Variants in ERBB4 observed in about 807,000 individuals in gnomAD.
ERBB4 encodes the protein erb-b2 receptor tyrosine kinase 4.
Under a neutral mutation model 158.0 loss-of-function variants are expected in ERBB4, and 42 were observed. The ratio of observed to expected loss-of-function variants is 0.27; its 90% CI spans 0.21 to 0.34. ERBB4 has a LOEUF of 0.34. Ranked by LOEUF, ERBB4 falls within the 10% of genes least tolerant of loss-of-function variation. The pLI, the probability that ERBB4 is intolerant of heterozygous loss-of-function variation, is 1.00. For missense variants in ERBB4, 1,333 were observed against 1,624.1 expected, an observed-to-expected ratio of 0.82 and a Z score of 3.08; for synonymous variants, 583 against 558.7, an observed-to-expected ratio of 1.04 and a Z score of -0.61.
chr2:211,626,786 G>A (rs2069863311), intron 17 of ERBB4, among the ~76,000 whole-genome samples: 1 of 151,866 alleles, frequency 6.6e-6, no homozygotes, highest in Non-Finnish European at 1.5e-5. Flanking sequence ...TGAGCCGGAC[G>A]TGTTGGCGGG....
chr2:212,034,880 G>C (rs563523518), intron 2 of ERBB4, among the ~76,000 whole-genome samples: 16 of 152,116 alleles, frequency 1.1e-4, no homozygotes, highest in Non-Finnish European at 2.4e-4. Context: ...TGGTTTCACT[G>C]GAACAAAGTG....
chr2:211,566,316 C>G (rs1026640592), intron 19 of ERBB4, among the ~76,000 whole-genome samples: 3 of 152,108 alleles, frequency 2.0e-5, no homozygotes, highest in Non-Finnish European at 2.9e-5. Flanking sequence ...CTGGTAAGAA[C>G]GATCACTGTA....
chr2:211,884,394 A>G (rs967589389), intron 3 of ERBB4, among the ~76,000 whole-genome samples: 1 of 152,116 alleles, frequency 6.6e-6, no homozygotes, highest in Non-Finnish European at 1.5e-5. Flanking sequence ...AACCCTGACT[A>G]TGAAAATGTA....
intron 2 of ERBB4, among the ~76,000 whole-genome samples, chr2:212,111,560 A>G (rs1019082088): frequency 2.0e-5 from 3 of 152,136 alleles, no homozygotes; most frequent in African/African-American, 7.2e-5. Flanking sequence ...ACATCTGTGA[A>G]TAGAATTTTT....
chr2:211,987,599 T>C (rs1443258932), intron 2 of ERBB4, among the ~76,000 whole-genome samples: 2 of 151,976 alleles, frequency 1.3e-5, no homozygotes, highest in African/African-American at 4.8e-5. Context: ...TCAAAATCAA[T>C]TGTGATGAAG....
chr2:211,518,342 T>G (rs1184026552), intron 20 of ERBB4, among the ~76,000 whole-genome samples: 1 of 151,916 alleles, frequency 6.6e-6, no homozygotes, highest in Non-Finnish European at 1.5e-5. Flanking sequence ...AGTTTGTCAT[T>G]GAATTTGTGT....
rs190058067 is a variant in ERBB4 at position 212,172,156 on chromosome 2, G to C, written c.83-47253C>G. 2.9e-3 allele frequency among the ~76,000 whole-genome samples: 441 copies of C among 152,006 alleles called. 3 individuals are homozygous for C. Among genetic ancestry groups the C allele is most frequent in the African/African-American group, 0.01 (430 of 41,474 alleles). ...AGATATACATGCAGCCAACAAACAT[G>C]AAAAAAAGCTCAATATCACTGATCA... On this transcript the variant is annotated intron_variant, in intron 1 of 27. Transcript: ENST00000342788.
At chr2:212,523,730 G>A (rs543819003) in intron 1 of ERBB4, among the ~76,000 whole-genome samples, 7 of 151,988 alleles carry the variant, frequency 4.6e-5, no homozygotes, top group African/African-American at 1.4e-4. Context: ...GTGTGCTTAC[G>A]ACAAGTTCTC....
At chr2:212,485,049 G>A (rs1331723904) in intron 1 of ERBB4, among the ~76,000 whole-genome samples, 1 of 152,254 alleles carries the variant, frequency 6.6e-6, no homozygotes, top group Non-Finnish European at 1.5e-5. Context: ...ATCCTAGAGG[G>A]AACAGGAAAG....
chr2:211,596,657 T>C (rs2068638371), intron 19 of ERBB4, among the ~76,000 whole-genome samples: 1 of 152,156 alleles, frequency 6.6e-6, no homozygotes, highest in African/African-American at 2.4e-5. Flanking sequence ...AGTTTTATAA[T>C]CTTTTTCTCT....
intron 19 of ERBB4, among the ~76,000 whole-genome samples, chr2:211,590,035 A>C (rs769908749): frequency 6.6e-6 from 1 of 152,196 alleles, no homozygotes; most frequent in African/African-American, 2.4e-5. Flanking sequence ...TTTCTAGAAA[A>C]ATTACTGGCA....
At chr2:211,621,485 T>C (rs1437973120) in intron 18 of ERBB4, among the ~76,000 whole-genome samples, 1 of 152,138 alleles carries the variant, frequency 6.6e-6, no homozygotes, top group East Asian at 1.9e-4. Flanking sequence ...TTACAAGTAA[T>C]TTCAATTAGG....
intron 19 of ERBB4, among the ~76,000 whole-genome samples, chr2:211,613,330 G>A (rs1188064830): frequency 7.2e-5 from 11 of 151,982 alleles, no homozygotes; most frequent in Non-Finnish European, 1.6e-4. Flanking sequence ...ATGTGAGATA[G>A]GAAGCACTGA....
At chr2:211,797,194 C>A (rs2105879901) in intron 3 of ERBB4, among the ~76,000 whole-genome samples, 1 of 151,958 alleles carries the variant, frequency 6.6e-6, no homozygotes, top group East Asian at 1.9e-4. Flanking sequence ...ATAACTGTTC[C>A]AAGTTTCCAG....
intron 1 of ERBB4, among the ~76,000 whole-genome samples, chr2:212,441,610 A>G (rs2092255135): frequency 6.6e-6 from 1 of 152,184 alleles, no homozygotes. Context: ...GATGGAAGGA[A>G]CATAGAGTTG....
intron 3 of ERBB4, among the ~76,000 whole-genome samples, chr2:211,930,507 C>T (rs549550388): frequency 3.3e-5 from 5 of 152,066 alleles, no homozygotes; most frequent in African/African-American, 9.7e-5. Context: ...CTGTGGTTAC[C>T]GAGTCTGCAA....
At chr2:211,944,096 T>TATATAC (rs1481580910) in intron 3 of ERBB4, among the ~76,000 whole-genome samples, 17 of 131,282 alleles carry the variant, frequency 1.3e-4, no homozygotes, top group African/African-American at 2.6e-4. Context: ...TATATATATA[T>TATATAC]ACATGGTTAC....
intron 3 of ERBB4, among the ~76,000 whole-genome samples, chr2:211,865,995 C>CT: frequency 6.6e-6 from 1 of 152,270 alleles, no homozygotes; most frequent in Non-Finnish European, 1.5e-5. Context: ...CCGATAAAAA[C>CT]TATCAGGAGA....
chr2:211,602,622 A>G (rs1272210135), intron 19 of ERBB4, among the ~76,000 whole-genome samples: 1 of 152,138 alleles, frequency 6.6e-6, no homozygotes, highest in Non-Finnish European at 1.5e-5. Context: ...CATATAAAGT[A>G]TCCTTACATA....
Sources: allele counts gnomAD v4.1 joint callset (sites outside exome capture counted in the v4.1 genomes callset), GRCh38; gene constraint gnomAD v4.1.1; transcripts MANE v1.5; gene names NCBI Gene and HGNC (gene_info 2026-07-23, HGNC 2026-07-21).